Variants in CHD7 observed in about 807,000 individuals in gnomAD.
CHD7 encodes chromodomain helicase DNA binding protein 7.
Under a neutral mutation model 307.3 loss-of-function variants are expected in CHD7, and 24 were observed. That is an observed-to-expected ratio of 0.08 (90% confidence interval 0.06 to 0.11). The LOEUF (loss-of-function observed/expected upper bound fraction) is 0.11. Ranked by LOEUF, CHD7 falls within the 10% of genes least tolerant of loss-of-function variation. CHD7 has a pLI of 1.00. For missense variants in CHD7, 3,106 were observed against 3,727.1 expected, an observed-to-expected ratio of 0.83 and a Z score of 4.34; for synonymous variants, 1,363 against 1,349.9, an observed-to-expected ratio of 1.01 and a Z score of -0.21.
chr8:60,815,813 C>T (rs1187132643), intron 7 of CHD7, among the ~76,000 whole-genome samples: 1 of 152,174 alleles, frequency 6.6e-6, no homozygotes, highest in Non-Finnish European at 1.5e-5. Context: ...GTTCTTTCCT[C>T]CTAGATTTTT....
At position 60,841,888 on chromosome 8, in the gene CHD7, C is replaced by T. The variant is rs1342840553; in HGVS notation, c.4686C>T (p.Thr1562=). Residue 1562 remains threonine, a synonymous_variant, in exon 21 of 38, where the codon ACC becomes ACT. Transcript: ENST00000423902. ...ATACTCCAAGAGTGAGAAAGCAGACCAGGCTCTACAGTGCAGTGAAGGAAG... is the reference window on the plus strand; with the variant it reads ...ATACTCCAAGAGTGAGAAAGCAGACTAGGCTCTACAGTGCAGTGAAGGAAG... The part of the protein sequence containing the change: ...VIDTPRVRKQ[T]RLYSAVKEDE... The T allele has an allele frequency of 6.2e-7, 1 of 1,609,716 alleles. No individual in the cohort carries two copies. Among genetic ancestry groups the T allele is most frequent in the South Asian group, 1.1e-5 (1 of 90,344 alleles).
At position 60,752,496 on chromosome 8, in the gene CHD7, G is replaced by A. The variant is rs151014775; in HGVS notation, c.1665+9399G>A. On this transcript the variant is annotated intron_variant, in intron 2 of 37. Coordinates refer to ENST00000423902, the MANE Select transcript of CHD7 (RefSeq NM_017780.4). ...GGCTGCTCAGTTTAGGCAGTTGGGA[G>A]GTTGCAGGGTGCATATCCTTTCTTG... is the stretch of plus-strand genomic sequence containing the variant. Among the ~76,000 whole-genome samples, 1,352 of 152,314 alleles carry A rather than the reference G, an allele frequency of 8.9e-3. 15 individuals are homozygous for A. Among genetic ancestry groups the A allele is most frequent in the Middle Eastern group, 0.02 (6 of 294 alleles).
intron 1 of CHD7, among the ~76,000 whole-genome samples, chr8:60,732,432 T>C (rs1808499944): frequency 6.6e-6 from 1 of 152,196 alleles, no homozygotes; most frequent in Non-Finnish European, 1.5e-5. Flanking sequence ...AGAGGTTCAG[T>C]GTCAGCCTTA....
chr8:60,818,101 A>G (rs868191827), intron 8 of CHD7, among the ~76,000 whole-genome samples: 1 of 152,042 alleles, frequency 6.6e-6, no homozygotes, highest in Non-Finnish European at 1.5e-5. Flanking sequence ...AAGGATAGCA[A>G]TCCCCTTCCT....
chr8:60,775,038 T>C (rs1390026949), intron 2 of CHD7, among the ~76,000 whole-genome samples: 1 of 152,054 alleles, frequency 6.6e-6, no homozygotes, highest in Non-Finnish European at 1.5e-5. Context: ...GTGTTTATAA[T>C]TTAGATGCCA....
At chr8:60,717,788 G>C (rs1807684297) in intron 1 of CHD7, among the ~76,000 whole-genome samples, 1 of 152,166 alleles carries the variant, frequency 6.6e-6, no homozygotes, top group Admixed American at 6.5e-5. Context: ...CCATGGGTTT[G>C]TGGTGATGGT....
At chr8:60,711,365 G>A (rs1807273244) in intron 1 of CHD7, among the ~76,000 whole-genome samples, 1 of 152,170 alleles carries the variant, frequency 6.6e-6, no homozygotes, top group African/African-American at 2.4e-5. Flanking sequence ...AAACCAAACT[G>A]TAGCAGCCTC....
chr8:60,849,181 T>C, intron 25 of CHD7, 27 bp downstream of exon 25: 1 of 1,400,646 alleles, frequency 7.1e-7, no homozygotes, highest in Non-Finnish European at 1.0e-6. Flanking sequence ...TTTGAATACA[T>C]CTCAACTGTA....
At chr8:60,695,587 T>C (rs1386748660) in intron 1 of CHD7, among the ~76,000 whole-genome samples, 1 of 152,222 alleles carries the variant, frequency 6.6e-6, no homozygotes, top group African/African-American at 2.4e-5. Context: ...TTAGCAACTC[T>C]AATACTTGTG....
chr8:60,796,027 T>C (rs933119920), intron 4 of CHD7, among the ~76,000 whole-genome samples: 1 of 152,276 alleles, frequency 6.6e-6, no homozygotes, highest in Non-Finnish European at 1.5e-5. Flanking sequence ...AACAAAATAT[T>C]TGTAGTGTGC....
Position 60,828,762 on chromosome 8 carries a change from A to G in CHD7, c.3478A>G (p.Thr1160Ala), listed in dbSNP as rs1243219561. The change falls in exon 14 of 38, where the codon ACC becomes GCC. Residue 1160 changes from threonine (T) to alanine (A), a missense_variant. Coordinates refer to ENST00000423902, the MANE Select transcript of CHD7 (RefSeq NM_017780.4). ...GGAACCAAGTCGCTTCCCTTCAGAA[A>G]CCACATTTATGCAAGAATTTGGTGA... The part of the protein sequence containing the change: ...FLEPSRFPSE[T>A]TFMQEFGDLK... 1 of 1,613,726 alleles carries G rather than the reference A, an allele frequency of 6.2e-7. No homozygotes were observed. The highest frequency in any genetic ancestry group is 8.5e-7 in the Non-Finnish European group (1 of 1,179,756).
At chr8:60,734,194 C>T (rs1563553049) in intron 1 of CHD7, among the ~76,000 whole-genome samples, 2 of 152,196 alleles carry the variant, frequency 1.3e-5, no homozygotes. Context: ...AGTGTGCTAT[C>T]CTGTAGGAGG....
chr8:60,838,053 T>C, intron 18 of CHD7, 23 bp from the exon 19 acceptor site: 1 of 1,442,446 alleles, frequency 6.9e-7, no homozygotes, highest in Non-Finnish European at 9.2e-7. Context: ...ATTTTGAGTA[T>C]TTTAAATATT....
intron 32 of CHD7, 146 bp from the exon 33 acceptor site, chr8:60,855,829 A>T: frequency 1.6e-6 from 1 of 622,356 alleles, no homozygotes; most frequent in Non-Finnish European, 2.8e-6. Context: ...TTCTTGTTTG[A>T]TTTCTTGCCT....
chr8:60,797,208 T>C (rs1341325384), intron 4 of CHD7, among the ~76,000 whole-genome samples: 1 of 152,196 alleles, frequency 6.6e-6, no homozygotes, highest in African/African-American at 2.4e-5. Flanking sequence ...AAAAGGAACC[T>C]TGATACTCAA....
intron 7 of CHD7, chr8:60,808,626 G>C: frequency 3.9e-6 from 1 of 253,404 alleles, no homozygotes; most frequent in Non-Finnish European, 7.5e-6. Context: ...CCTGTGCATA[G>C]TGTGCGAGGC....
chr8:60,783,034 T>C (rs895052802), intron 3 of CHD7, among the ~76,000 whole-genome samples: 1 of 152,170 alleles, frequency 6.6e-6, no homozygotes, highest in Non-Finnish European at 1.5e-5. Context: ...GCTCAGGAAA[T>C]ACATCATTAA....
intron 21 of CHD7, among the ~76,000 whole-genome samples, chr8:60,843,984 C>T (rs1458432880): frequency 6.6e-6 from 1 of 152,200 alleles, no homozygotes; most frequent in Non-Finnish European, 1.5e-5. Context: ...GTGCGCTGCT[C>T]TCTGCTCCAA....
At chr8:60,714,533 G>T (rs771635410) in intron 1 of CHD7, among the ~76,000 whole-genome samples, 1 of 151,994 alleles carries the variant, frequency 6.6e-6, no homozygotes, top group Non-Finnish European at 1.5e-5. Context: ...GTCATCTCCA[G>T]CGCTGGCACC....
Sources: allele counts gnomAD v4.1 joint callset (sites outside exome capture counted in the v4.1 genomes callset), GRCh38; gene constraint gnomAD v4.1.1; transcripts MANE v1.5; gene names NCBI Gene and HGNC (gene_info 2026-07-23, HGNC 2026-07-21).